NKAIN4: variants seen among roughly 807,000 people sequenced by gnomAD.
NKAIN4 encodes sodium/potassium transporting ATPase interacting 4, also known as sodium/potassium-transporting ATPase subunit beta-1-interacting protein 4.
Under a neutral mutation model 28.8 loss-of-function variants are expected in NKAIN4, and 28 were observed. That is an observed-to-expected ratio of 0.97 (90% CI 0.72 to 1.33). NKAIN4 has a LOEUF of 1.33. NKAIN4 is among the 40% of genes most tolerant of loss of function. The probability of loss-of-function intolerance (pLI) is 0.00; values close to 1 mark genes in which losing one functional copy is unlikely to be tolerated. For missense variants in NKAIN4, 289 were observed against 277.2 expected, an observed-to-expected ratio of 1.04 and a Z score of -0.30; for synonymous variants, 122 against 115.6, an observed-to-expected ratio of 1.06 and a Z score of -0.36.
chr20:63,241,722 C>T lies in NKAIN4; in HGVS notation c.618-216G>A. On this transcript the variant is annotated intron_variant, in intron 6 of 6. Coordinates refer to ENST00000370316, the MANE Select transcript of NKAIN4 (RefSeq NM_152864.4). ...CAGGTCAGCGTCTTGTGCCTGTTTGCTGACATCTCAGTGGGGTCTGGCCTG... is the reference window on the plus strand; with the variant it reads ...CAGGTCAGCGTCTTGTGCCTGTTTGTTGACATCTCAGTGGGGTCTGGCCTG... The T allele has an allele frequency of 7.2e-6, 5 of 695,132 alleles. No homozygotes were observed. The South Asian group carries it at 7.5e-5, about 10-fold the overall frequency. 43.1% of individuals were successfully genotyped at this position (695,132 alleles called of 1,614,324 possible).
upstream of NKAIN4, chr20:63,254,635 C>A: frequency 2.3e-6 from 1 of 426,976 alleles, no homozygotes; most frequent in Non-Finnish European, 3.9e-6. Flanking sequence ...CCTCCCACCC[C>A]CGCCTGCGGC....
At chr20:63,254,242 G>T in intron 1 of NKAIN4, 155 bp downstream of exon 1, 1 of 555,258 alleles carries the variant, frequency 1.8e-6, no homozygotes, top group Non-Finnish European at 2.8e-6. Flanking sequence ...CGCCACCTTC[G>T]GCCGTAGCAG....
chr20:63,252,932 A>G lies in NKAIN4; in HGVS notation c.54+1465T>C, dbSNP rs2066986231. ...TGAAGCACCCATTTCTCCTGCCCAA[A>G]CCCCAGCACCATCAACCCCAGCACA... On this transcript the variant is annotated intron_variant, in intron 1 of 6. Transcript: ENST00000370316. The surrounding 1 kb of genome is among the most constrained non-coding windows in gnomAD (Gnocchi z 4.6). Among the ~76,000 whole-genome samples the G allele has an allele frequency of 6.6e-6, 1 of 151,912 alleles. No homozygotes were observed. Among genetic ancestry groups the G allele is most frequent in the Non-Finnish European group, 1.5e-5 (1 of 67,952 alleles).
chr20:63,251,222 G>T (rs1461548455), intron 1 of NKAIN4, among the ~76,000 whole-genome samples: 1 of 152,112 alleles, frequency 6.6e-6, no homozygotes. Context: ...GAGACTTTCA[G>T]TACTTTCACT....
intron 4 of NKAIN4, chr20:63,244,509 T>C (rs1343280201): frequency 4.2e-6 from 2 of 473,950 alleles, no homozygotes; most frequent in Admixed American, 4.7e-5. Flanking sequence ...CCACCAGGGG[T>C]TCCTCCTCCT....
intron 6 of NKAIN4, 143 bp from the exon 7 acceptor site, chr20:63,241,649 G>C: frequency 1.3e-6 from 1 of 758,310 alleles, no homozygotes; most frequent in Non-Finnish European, 2.4e-6. Context: ...AAAGGAGATG[G>C]GTGGGACTGA....
rs779731402 is a variant in NKAIN4, at chr20:63,254,415, G to A, written c.36C>T (p.Val12=). The A allele has an allele frequency of 1.2e-5, 17 of 1,446,186 alleles. No individual in the cohort carries two copies. The African/African-American group carries it at 1.2e-4, about 10-fold the overall frequency. The allele number at this position is 1,446,186 out of a possible 1,614,324, so 89.6% of individuals were successfully genotyped here. A position where few individuals can be genotyped will look rare whatever the true frequency, so the allele number is the denominator to read the frequency against. The change falls in exon 1 of 7, where the codon GTC becomes GTT. Residue 12 remains valine, a synonymous_variant. Coordinates refer to ENST00000370316, the MANE Select transcript of NKAIN4 (RefSeq NM_152864.4). ...GSCSGRCALV[V]LCAFQLVAAL... is the part of the protein sequence containing the mutation. ...CACTCACCAGCTGAAAAGCGCAGAGGACGACGAGCGCGCAGCGGCCGGAGC... is the reference window on the plus strand; with the variant it reads ...CACTCACCAGCTGAAAAGCGCAGAGAACGACGAGCGCGCAGCGGCCGGAGC...
Position 63,253,582 on chromosome 20 carries a change from A to AGCAAAGCAGC in NKAIN4, c.54+814_54+815insGCTGCTTTGC, listed in dbSNP as rs1362154320. The AGCAAAGCAGC allele has an allele frequency of 3.5e-5, 32 of 907,844 alleles. No individual in the cohort carries two copies. In the East Asian group the frequency reaches 3.7e-3, roughly 104 times the overall value. The allele number at this position is 907,844 out of a possible 1,614,324, so 56.2% of individuals were successfully genotyped here. On this transcript the variant is annotated intron_variant, in intron 1 of 6. Coordinates refer to ENST00000370316, the MANE Select transcript of NKAIN4 (RefSeq NM_152864.4). ...TTTTAAGACGGGAGACCCAGGGCCA[A>AGCAAAGCAGC]TTAGCATCGAAGCAAAGCAGCTTCC...
At chr20:63,254,474 C>G, upstream of NKAIN4, 5 of 1,302,712 alleles carry the variant, frequency 3.8e-6, no homozygotes, top group Non-Finnish European at 4.9e-6. Context: ...ACAGGAGGCC[C>G]CCGGGTGCCC....
intron 1 of NKAIN4, 65 bp downstream of exon 1, chr20:63,254,331 AC>A: frequency 7.8e-7 from 1 of 1,276,100 alleles, no homozygotes. Flanking sequence ...ACGCTTCGGG[AC>A]CCCACAGCCG....
chr20:63,254,500 C>T (rs998761787), upstream of NKAIN4: 48 of 1,238,750 alleles, frequency 3.9e-5, no homozygotes, highest in Non-Finnish European at 4.9e-5. Flanking sequence ...TCGGCCCCCG[C>T]CCCCGCTCCG....
At chr20:63,250,828 T>G (rs1009657598) in intron 1 of NKAIN4, among the ~76,000 whole-genome samples, 2 of 151,926 alleles carry the variant, frequency 1.3e-5, no homozygotes, top group African/African-American at 4.8e-5. Context: ...CGTCACCAGC[T>G]CCTTCCCACG....
chr20:63,254,566 C>T (rs1424714635), upstream of NKAIN4: 3 of 736,478 alleles, frequency 4.1e-6, no homozygotes, highest in African/African-American at 1.8e-5. Context: ...CCGTTCCCCC[C>T]TCCTCCCCGC....
At chr20:63,249,103 C>T (rs60042226) in intron 2 of NKAIN4, 7,165 of 556,132 alleles carry the variant, frequency 0.013, 393 homozygotes, top group African/African-American at 0.12. Context: ...ACGTGGGTGC[C>T]CCGGGAATGA....
In NKAIN4 at chr20:63,252,901, T is replaced by C. The variant is rs375805791; in HGVS notation, c.54+1496A>G. ...GCACAGTCGTGCCTCACCCTGCACC[T>C]GAGACTGAAGCACCCATTTCTCCTG... is the stretch of plus-strand genomic sequence containing the variant. On this transcript the variant is annotated intron_variant, in intron 1 of 6. Coordinates refer to ENST00000370316, the MANE Select transcript of NKAIN4 (RefSeq NM_152864.4). The surrounding 1 kb of genome is among the most constrained non-coding windows in gnomAD (Gnocchi z 4.6). Among the ~76,000 whole-genome samples the C allele has an allele frequency of 2.0e-5, 3 of 152,012 alleles. No homozygotes were observed. The highest frequency in any genetic ancestry group is 7.2e-5 in the African/African-American group (3 of 41,382).
At chr20:63,244,673 T>TGGGAG (rs201244146) in intron 4 of NKAIN4, 6,801 of 399,250 alleles carry the variant, frequency 0.017, 74 homozygotes, top group Non-Finnish European at 0.025. Context: ...GGGGAGGGAC[T>TGGGAG]GGGAGTCCAG....
chr20:63,244,119 C>T (rs2066813310), intron 4 of NKAIN4, 35 bp from the exon 5 acceptor site: 3 of 1,585,754 alleles, frequency 1.9e-6, no homozygotes, highest in African/African-American at 1.3e-5. Context: ...GTGAGTGCGG[C>T]CAGGCGAGCC....
In NKAIN4 at chr20:63,254,399, G is replaced by A. The variant is rs1321053213; in HGVS notation, c.52C>T (p.Leu18=). Residue 18 remains leucine (L), a splice_region_variant and synonymous_variant, in exon 1 of 7, where the codon CTG becomes TTG. Coordinates refer to ENST00000370316, the MANE Select transcript of NKAIN4 (RefSeq NM_152864.4). ...CALVVLCAFQ[L]VAALERQVFD... ...CTCGCGGAGGGGTCGCCACTCACCA[G>A]CTGAAAAGCGCAGAGGACGACGAGC... 1 of 1,452,076 alleles carries A rather than the reference G, an allele frequency of 6.9e-7. No individual in the cohort carries two copies. Among genetic ancestry groups the A allele is most frequent in the Non-Finnish European group, 9.1e-7 (1 of 1,104,098 alleles). The allele number at this position is 1,452,076 out of a possible 1,614,324, so 89.9% of individuals were successfully genotyped here. A position where few individuals can be genotyped will look rare whatever the true frequency, so the allele number is the denominator to read the frequency against.
rs758208335 is a variant in NKAIN4, at chr20:63,247,769, C to T, written c.280G>A (p.Glu94Lys). 1.4e-6 allele frequency: 2 copies of T among 1,460,402 alleles called. No individual in the cohort carries two copies. Among genetic ancestry groups the T allele is most frequent in the Non-Finnish European group, 1.8e-6 (2 of 1,101,578 alleles). 90.5% of individuals were successfully genotyped at this position (1,460,402 alleles called of 1,614,324 possible). ...LEVGGLLKDS[E>K]LLTFSLSRHR... is the part of the protein sequence containing the mutation. ...CGGGAGAGGCTGAAGGTCAGTAGCT[C>T]GCTGTCCTAGGGGAGAGGTGCAGGA... Residue 94 changes from glutamate to lysine, a missense_variant, in exon 4 of 7, where the codon GAG (glutamate) becomes AAG (lysine). Coordinates refer to ENST00000370316, the MANE Select transcript of NKAIN4 (RefSeq NM_152864.4).
Sources: gnomAD v4.1 joint callset for allele counts (sites outside exome capture counted in the v4.1 genomes callset) on GRCh38, gnomAD v4.1.1 for gene constraint, Gnocchi (gnomAD v3.1) non-coding constraint, MANE v1.5 for transcripts, NCBI Gene and HGNC (gene_info 2026-07-23, HGNC 2026-07-21) for gene names.